The following RGS7 variants were observed in gnomAD, a reference collection of about 807,000 sequenced individuals.
RGS7 encodes the protein regulator of G protein signaling 7.
A neutral mutation model predicts 81.1 loss-of-function variants in RGS7; 27 were observed. The observed-to-expected ratio is 0.33, with a 90% CI of 0.25 to 0.46. RGS7 has a LOEUF of 0.46. Ranked by LOEUF, RGS7 falls within the 20% of genes least tolerant of loss-of-function variation. RGS7 has a pLI of 1.00. For missense variants in RGS7, 396 were observed against 607.4 expected (o/e 0.65, Z 3.66); for synonymous variants, 208 against 207.7 (o/e 1.00, Z -0.01).
chr1:241,029,532 A>G (rs897773801), intron 3 of RGS7, among the ~76,000 whole-genome samples: 1 of 152,226 alleles, frequency 6.6e-6, no homozygotes, highest in African/African-American at 2.4e-5. Context: ...GTGTAGTGAC[A>G]TGTGCAAAAT....
At chr1:240,799,580 C>T (rs772772654) in intron 18 of RGS7, among the ~76,000 whole-genome samples, 15 of 152,056 alleles carry the variant, frequency 9.9e-5, no homozygotes, top group Admixed American at 2.0e-4. Context: ...GATATCCAAC[C>T]TTTTGGCTTC....
At chr1:241,176,166 T>C (rs2071126934) in intron 2 of RGS7, among the ~76,000 whole-genome samples, 1 of 152,194 alleles carries the variant, frequency 6.6e-6, no homozygotes, top group Non-Finnish European at 1.5e-5. Context: ...TTTGTTATTA[T>C]GACTTCCTTT....
intron 2 of RGS7, among the ~76,000 whole-genome samples, chr1:241,217,777 C>A (rs1167497145): frequency 1.3e-5 from 2 of 152,202 alleles, no homozygotes; most frequent in African/African-American, 4.8e-5. Context: ...CAAACCAGAG[C>A]CAGTTCAGAT....
rs77923614 is a variant in RGS7, at chr1:240,915,715, A to G, written c.385+15002T>C. On this transcript the variant is annotated intron_variant, in intron 6 of 18. Transcript: ENST00000440928. ...AAAAAAAATTCCAAGGCACACTAAA[A>G]GACAAAAAACACAGTTTGAAGAGTC... Among the ~76,000 whole-genome samples the G allele has an allele frequency of 3.0e-4, 45 of 152,308 alleles. 1 individual carries two copies. The highest frequency in any genetic ancestry group is 3.4e-3 in the Middle Eastern group (1 of 294).
chr1:240,869,322 CAT>C (rs1664056294), intron 7 of RGS7, among the ~76,000 whole-genome samples: 1 of 152,112 alleles, frequency 6.6e-6, no homozygotes, highest in Admixed American at 6.5e-5. Flanking sequence ...GAAAATCTAA[CAT>C]AGCAACCATC....
At chr1:241,001,073 G>T (rs1293814404) in intron 3 of RGS7, among the ~76,000 whole-genome samples, 1 of 152,112 alleles carries the variant, frequency 6.6e-6, no homozygotes, top group Non-Finnish European at 1.5e-5. Flanking sequence ...CTCTTGGACA[G>T]CATTGGTTCA....
chr1:241,328,645 T>C (rs923461896), intron 2 of RGS7, among the ~76,000 whole-genome samples: 1 of 152,352 alleles, frequency 6.6e-6, no homozygotes, highest in Middle Eastern at 3.4e-3. Context: ...GCTGTCTGTT[T>C]TGGTGACTGA....
At position 240,855,790 on chromosome 1, in the gene RGS7, T is replaced by C. The variant is rs139920207; in HGVS notation, c.609+12797A>G. On this transcript the variant is annotated intron_variant, in intron 9 of 18. Coordinates refer to ENST00000440928, the MANE Select transcript of RGS7 (RefSeq NM_001364886.1). ...ATTCATATTGTCAAATTAATTTTTA[T>C]ACAGATAATACCAATGCACACACCC... 3.7e-4 allele frequency among the ~76,000 whole-genome samples: 56 copies of C among 152,310 alleles called. No homozygotes were observed. The East Asian group carries it at 0.01, about 27-fold the overall frequency.
At chr1:241,319,712 T>G (rs528935819) in intron 2 of RGS7, among the ~76,000 whole-genome samples, 1 of 152,292 alleles carries the variant, frequency 6.6e-6, no homozygotes, top group Non-Finnish European at 1.5e-5. Flanking sequence ...TTTAAAAACA[T>G]AAATTTTAAA....
intron 2 of RGS7, among the ~76,000 whole-genome samples, chr1:241,345,019 TGTG>T (rs2082798745): frequency 6.6e-6 from 1 of 152,140 alleles, no homozygotes; most frequent in East Asian, 1.9e-4. Flanking sequence ...TAAAGAAAAA[TGTG>T]GTACATACAC....
At chr1:241,068,627 T>C (rs2062237270) in intron 3 of RGS7, among the ~76,000 whole-genome samples, 1 of 152,094 alleles carries the variant, frequency 6.6e-6, no homozygotes, top group Non-Finnish European at 1.5e-5. Flanking sequence ...TGAGTCTGAA[T>C]CCTGATCCCT....
At chr1:241,148,051 C>CTTTTTT (rs58632066) in intron 2 of RGS7, among the ~76,000 whole-genome samples, 144 of 108,476 alleles carry the variant, frequency 1.3e-3, no homozygotes, top group Middle Eastern at 6.2e-3. Context: ...TTTTCTTTTT[C>CTTTTTT]TTTTTTTTTT....
intron 3 of RGS7, among the ~76,000 whole-genome samples, chr1:241,078,485 A>ATATGTGTGTGTGTG (rs145183501): frequency 0.12 from 17,806 of 143,452 alleles, 1,259 homozygotes; most frequent in African/African-American, 0.18. Context: ...CACGTAAGTT[A>ATATGTGTGTGTGTG]TGTGTGTGTG....
intron 4 of RGS7, among the ~76,000 whole-genome samples, chr1:240,946,565 C>A (rs1678641863): frequency 6.6e-6 from 1 of 152,014 alleles, no homozygotes; most frequent in Non-Finnish European, 1.5e-5. Context: ...CATGATCATG[C>A]CACTGCACTG....
At chr1:240,925,757 TTC>T (rs539000493) in intron 6 of RGS7, among the ~76,000 whole-genome samples, 7 of 152,338 alleles carry the variant, frequency 4.6e-5, no homozygotes, top group Admixed American at 4.6e-4. Context: ...AGTATAAACA[TTC>T]TGTTTTCTCC....
chr1:240,933,120 G>C (rs915265887), intron 5 of RGS7, among the ~76,000 whole-genome samples: 3 of 151,156 alleles, frequency 2.0e-5, no homozygotes, highest in Admixed American at 6.6e-5. Flanking sequence ...CTGACCTCGT[G>C]ATCTGCCCCC....
intron 6 of RGS7, among the ~76,000 whole-genome samples, chr1:240,898,869 T>C (rs12738855): frequency 0.13 from 19,418 of 152,162 alleles, 1,348 homozygotes; most frequent in Middle Eastern, 0.18. Context: ...ATCTGTCTAA[T>C]GTTGACAGTG....
chr1:241,063,505 T>C (rs2061855890), intron 3 of RGS7, among the ~76,000 whole-genome samples: 1 of 152,194 alleles, frequency 6.6e-6, no homozygotes, highest in African/African-American at 2.4e-5. Context: ...AGGCAGGTGA[T>C]TTAGTCAATA....
At chr1:241,069,973 G>A (rs759810281) in intron 3 of RGS7, among the ~76,000 whole-genome samples, 4 of 152,218 alleles carry the variant, frequency 2.6e-5, no homozygotes, top group Admixed American at 6.5e-5. Context: ...GAGAAAATTG[G>A]GTTTCAGATA....
Sources: allele counts gnomAD v4.1 joint callset (sites outside exome capture counted in the v4.1 genomes callset), GRCh38; gene constraint gnomAD v4.1.1; transcripts MANE v1.5; gene names NCBI Gene and HGNC (gene_info 2026-07-23, HGNC 2026-07-21).